The following CACNA1D variants were observed in gnomAD, a reference collection of about 807,000 sequenced individuals.
CACNA1D encodes calcium voltage-gated channel subunit alpha1 D, also known as voltage-dependent L-type calcium channel subunit alpha-1D.
A neutral mutation model predicts 257.1 loss-of-function variants in CACNA1D; 55 were observed. The ratio of observed to expected loss-of-function variants is 0.21; its 90% confidence interval spans 0.17 to 0.27. The LOEUF (loss-of-function observed/expected upper bound fraction) is 0.27. Among genes scored for constraint, CACNA1D ranks in the 10% least tolerant of loss-of-function variants. CACNA1D has a pLI of 1.00. For synonymous variants in CACNA1D, 980 were observed against 1,014.9 expected, an observed-to-expected ratio of 0.97 and a Z score of 0.65; for missense variants, 1,876 against 2,784.0, an observed-to-expected ratio of 0.67 and a Z score of 7.34.
At chr3:53,718,601 C>CCCCCCCCCAA in intron 10 of CACNA1D, 7 of 1,103,164 alleles carry the variant, frequency 6.3e-6, no homozygotes, top group African/African-American at 1.6e-5. Context: ...CCCCCCGGCC[C>CCCCCCCCCAA]AGCATTTCAC....
chr3:53,587,209 C>T (rs2093233133), intron 3 of CACNA1D, among the ~76,000 whole-genome samples: 1 of 152,136 alleles, frequency 6.6e-6, no homozygotes, highest in Non-Finnish European at 1.5e-5. Flanking sequence ...ACTGGAGAGC[C>T]AGAGCAGGCA....
chr3:53,722,203 C>A (rs2094889786), intron 11 of CACNA1D, 111 bp from the exon 12 acceptor site: 1 of 1,077,514 alleles, frequency 9.3e-7, no homozygotes, highest in Admixed American at 1.8e-5. Flanking sequence ...CCTGCACTCC[C>A]ACCCCAATCT....
chr3:53,501,286 A>G lies in CACNA1D; in HGVS notation c.378-329A>G, dbSNP rs1237895887. Among the ~76,000 whole-genome samples the G allele has an allele frequency of 2.0e-5, 3 of 152,230 alleles. No homozygotes were observed. The East Asian group carries it at 5.8e-4, about 29-fold the overall frequency. ...AGGCTCTTGTCACTTTTAAACCTGT[A>G]AGAAGCAGAAACCTAGTTCACACAG... On this transcript the variant is annotated intron_variant, in intron 2 of 47. Transcript: ENST00000350061.
At chr3:53,598,297 T>A (rs1166387640) in intron 3 of CACNA1D, among the ~76,000 whole-genome samples, 2 of 152,082 alleles carry the variant, frequency 1.3e-5, no homozygotes, top group East Asian at 3.9e-4. Context: ...TTGTTCTGGC[T>A]GGGCATGGTG....
Position 53,612,530 on chromosome 3 carries a change from A to G in CACNA1D, c.484-38249A>G, listed in dbSNP as rs921212753. On this transcript the variant is annotated intron_variant, in intron 3 of 47. Transcript: ENST00000350061. Reference sequence around the variant, plus strand: ...CCTATGCGAATGCTGGGATCTGTTCAGCTCACAGTTTCAGAGTTGCTTTTT... The same window carrying G: ...CCTATGCGAATGCTGGGATCTGTTCGGCTCACAGTTTCAGAGTTGCTTTTT... Among the ~76,000 whole-genome samples the G allele has an allele frequency of 2.6e-5, 4 of 152,264 alleles. No homozygotes were observed. In the East Asian group the frequency reaches 7.7e-4, roughly 29 times the overall value.
chr3:53,678,647 A>G (rs923040319), intron 8 of CACNA1D, among the ~76,000 whole-genome samples: 5 of 152,210 alleles, frequency 3.3e-5, no homozygotes, highest in Non-Finnish European at 7.3e-5. Context: ...GGCCTAGACA[A>G]AGACTCAGGC....
chr3:53,644,691 A>T (rs1010566283), intron 3 of CACNA1D, among the ~76,000 whole-genome samples: 1 of 152,224 alleles, frequency 6.6e-6, no homozygotes. Flanking sequence ...TTGTGTATCT[A>T]TACCACATTT....
chr3:53,564,990 T>C (rs937930151), intron 3 of CACNA1D, among the ~76,000 whole-genome samples: 1 of 152,246 alleles, frequency 6.6e-6, no homozygotes. Flanking sequence ...TAATAGATTT[T>C]TGTGTGTGGT....
chr3:53,801,453 C>A (rs1389170393), intron 42 of CACNA1D, 28 bp downstream of exon 42: 1 of 1,612,086 alleles, frequency 6.2e-7, no homozygotes, highest in Non-Finnish European at 8.5e-7. Context: ...TTTGGACTTG[C>A]TCATGTGGTG....
chr3:53,628,829 G>A (rs2093789182), intron 3 of CACNA1D, among the ~76,000 whole-genome samples: 1 of 152,202 alleles, frequency 6.6e-6, no homozygotes, highest in African/African-American at 2.4e-5. Flanking sequence ...TGTTTGCAAA[G>A]ATTTTTGCTA....
chr3:53,541,288 A>G (rs2092290812), intron 3 of CACNA1D, among the ~76,000 whole-genome samples: 1 of 152,248 alleles, frequency 6.6e-6, no homozygotes, highest in Non-Finnish European at 1.5e-5. Flanking sequence ...GGCCATATTC[A>G]GAGAAATTAT....
intron 8 of CACNA1D, among the ~76,000 whole-genome samples, chr3:53,690,931 C>T (rs2094513502): frequency 6.6e-6 from 1 of 152,330 alleles, no homozygotes; most frequent in East Asian, 1.9e-4. Flanking sequence ...CCCTCCCAAG[C>T]CAGACTTCAT....
intron 39 of CACNA1D, among the ~76,000 whole-genome samples, chr3:53,784,978 G>A (rs752980781): frequency 9.9e-5 from 15 of 152,164 alleles, no homozygotes; most frequent in Non-Finnish European, 2.2e-4. Flanking sequence ...CTCTCCATCT[G>A]TTGGAGGGGG....
chr3:53,560,470 A>G (rs1353676291), intron 3 of CACNA1D, among the ~76,000 whole-genome samples: 2 of 152,226 alleles, frequency 1.3e-5, no homozygotes, highest in African/African-American at 4.8e-5. Context: ...GGATGTATTC[A>G]TAATATGTAT....
chr3:53,650,541 T>C (rs969369990), intron 3 of CACNA1D, among the ~76,000 whole-genome samples: 1 of 152,258 alleles, frequency 6.6e-6, no homozygotes. Context: ...AATGCAGTCA[T>C]GCAGCCTGGA....
At chr3:53,766,795 G>A (rs1467590175) in intron 30 of CACNA1D, among the ~76,000 whole-genome samples, 5 of 152,168 alleles carry the variant, frequency 3.3e-5, no homozygotes, top group Non-Finnish European at 7.4e-5. Flanking sequence ...GGGTGGGAAG[G>A]AACTGCCAAG....
At chr3:53,572,362 GTTTGTTTGTTTGTTTATTTATTTATTTA>G (rs1460415800) in intron 3 of CACNA1D, among the ~76,000 whole-genome samples, 3 of 45,550 alleles carry the variant, frequency 6.6e-5, no homozygotes, top group African/African-American at 1.3e-4. Context: ...CCTCTGGTTT[GTTTGTTTGTTTGTTTATTTATTTATTTA>G]TTTATTTATT....
intron 5 of CACNA1D, among the ~76,000 whole-genome samples, chr3:53,663,951 A>G (rs1020342912): frequency 3.9e-5 from 6 of 152,208 alleles, no homozygotes; most frequent in African/African-American, 1.4e-4. Flanking sequence ...TTTTTGGTAG[A>G]GATGGGGTTT....
chr3:53,549,414 TC>T (rs1427280375), intron 3 of CACNA1D, among the ~76,000 whole-genome samples: 1 of 152,212 alleles, frequency 6.6e-6, no homozygotes, highest in Non-Finnish European at 1.5e-5. Flanking sequence ...AGACTTGGGC[TC>T]TATTTTTGCC....
Sources: gnomAD v4.1 joint callset for allele counts (sites outside exome capture counted in the v4.1 genomes callset) on GRCh38, gnomAD v4.1.1 for gene constraint, MANE v1.5 for transcripts, NCBI Gene and HGNC (gene_info 2026-07-23, HGNC 2026-07-21) for gene names.